Variants in NALF1 observed in about 807,000 individuals in gnomAD.
The protein encoded by NALF1 is NALCN channel auxiliary factor 1.
A neutral mutation model predicts 48.4 loss-of-function variants in NALF1; 3 were observed. The observed-to-expected ratio is 0.06, with a 90% CI of 0.03 to 0.16. The LOEUF (loss-of-function observed/expected upper bound fraction) is 0.16. NALF1 is among the 10% of genes least tolerant of loss of function. The probability of loss-of-function intolerance (pLI) is 1.00; values close to 1 mark genes in which losing one functional copy is unlikely to be tolerated. For missense variants in NALF1, 526 were observed against 571.5 expected, an observed-to-expected ratio of 0.92 and a Z score of 0.81; for synonymous variants, 262 against 245.7, an observed-to-expected ratio of 1.07 and a Z score of -0.62.
intron 1 of NALF1, among the ~76,000 whole-genome samples, chr13:107,255,225 A>G (rs1460301111): frequency 2.0e-5 from 3 of 151,664 alleles, no homozygotes; most frequent in East Asian, 3.9e-4. Flanking sequence ...AGAAAACACA[A>G]TCGACTGCTT....
At chr13:107,572,636 T>C (rs67153654) in intron 1 of NALF1, among the ~76,000 whole-genome samples, 5 of 152,048 alleles carry the variant, frequency 3.3e-5, no homozygotes, top group African/African-American at 7.2e-5. Context: ...AGGCCTTTCA[T>C]TGTTTTTTAC....
At chr13:107,828,989 C>A (rs192244447) in intron 1 of NALF1, among the ~76,000 whole-genome samples, 2 of 152,170 alleles carry the variant, frequency 1.3e-5, no homozygotes, top group East Asian at 1.9e-4. Context: ...ACCCAAAGTT[C>A]AATAAAACCT....
At chr13:107,654,497 G>A (rs922950722) in intron 1 of NALF1, among the ~76,000 whole-genome samples, 2 of 151,922 alleles carry the variant, frequency 1.3e-5, no homozygotes. Context: ...AATCGAAATG[G>A]TAATAAAAAA....
intron 1 of NALF1, among the ~76,000 whole-genome samples, chr13:107,793,687 A>G (rs975519534): frequency 1.3e-5 from 2 of 152,202 alleles, no homozygotes; most frequent in Non-Finnish European, 2.9e-5. Context: ...AGTTTGAGTC[A>G]GAACTAGTTA....
chr13:107,367,692 C>A (rs1374884051), intron 1 of NALF1, among the ~76,000 whole-genome samples: 1 of 152,124 alleles, frequency 6.6e-6, no homozygotes, highest in Non-Finnish European at 1.5e-5. Flanking sequence ...ACTGATGCCC[C>A]TTGTGCAAAA....
At chr13:107,750,730 A>G (rs572763475) in intron 1 of NALF1, among the ~76,000 whole-genome samples, 1 of 152,218 alleles carries the variant, frequency 6.6e-6, no homozygotes, top group African/African-American at 2.4e-5. Flanking sequence ...TTACACTAAA[A>G]TCTCTAAAAT....
intron 1 of NALF1, among the ~76,000 whole-genome samples, chr13:107,535,225 G>C (rs1303067217): frequency 6.6e-6 from 1 of 152,114 alleles, no homozygotes; most frequent in Non-Finnish European, 1.5e-5. Flanking sequence ...ATGTTGAATA[G>C]GAGTGGTGAG....
intron 1 of NALF1, among the ~76,000 whole-genome samples, chr13:107,503,369 T>C (rs1004463524): frequency 6.6e-6 from 1 of 152,066 alleles, no homozygotes; most frequent in Non-Finnish European, 1.5e-5. Context: ...TCACTAATCA[T>C]CAGGGAAATG....
intron 1 of NALF1, among the ~76,000 whole-genome samples, chr13:107,451,646 T>C (rs1884742030): frequency 1.3e-5 from 2 of 152,232 alleles, no homozygotes; most frequent in East Asian, 1.9e-4. Context: ...TTGTGCTGTA[T>C]ACTCGAACAG....
At chr13:107,732,187 T>C (rs1382642609) in intron 1 of NALF1, among the ~76,000 whole-genome samples, 1 of 152,094 alleles carries the variant, frequency 6.6e-6, no homozygotes, top group East Asian at 1.9e-4. Flanking sequence ...ATACTTACTA[T>C]ATATACTATG....
intron 1 of NALF1, among the ~76,000 whole-genome samples, chr13:107,286,771 A>T (rs1881502956): frequency 6.6e-6 from 1 of 152,162 alleles, no homozygotes; most frequent in Admixed American, 6.5e-5. Context: ...CCTTGAAAAC[A>T]TTATTCTAAG....
intron 1 of NALF1, among the ~76,000 whole-genome samples, chr13:107,335,560 C>A (rs1882540395): frequency 6.6e-6 from 1 of 152,198 alleles, no homozygotes; most frequent in Non-Finnish European, 1.5e-5. Context: ...TTGAAAATCC[C>A]AATCATGAGA....
chr13:107,273,024 A>G (rs1881207514), intron 1 of NALF1, among the ~76,000 whole-genome samples: 1 of 152,246 alleles, frequency 6.6e-6, no homozygotes, highest in Non-Finnish European at 1.5e-5. Flanking sequence ...TTGAGAAAAC[A>G]GCAGAAGCCG....
At chr13:107,480,826 C>G (rs2476773) in intron 1 of NALF1, among the ~76,000 whole-genome samples, 1 of 151,988 alleles carries the variant, frequency 6.6e-6, no homozygotes, top group African/African-American at 2.4e-5. Context: ...AAAGCTCGAA[C>G]GAAGCAATAA....
intron 2 of NALF1, among the ~76,000 whole-genome samples, chr13:107,194,168 T>G (rs995386068): frequency 6.6e-6 from 1 of 152,156 alleles, no homozygotes; most frequent in African/African-American, 2.4e-5. Context: ...TTTTGTTTGA[T>G]TTTTGCCACT....
chr13:107,269,407 C>T (rs1001918262), intron 1 of NALF1, among the ~76,000 whole-genome samples: 2 of 151,696 alleles, frequency 1.3e-5, no homozygotes, highest in African/African-American at 4.8e-5. Context: ...TTACTATAAC[C>T]AGAAACACCT....
intron 1 of NALF1, among the ~76,000 whole-genome samples, chr13:107,721,739 C>T (rs772638391): frequency 2.6e-5 from 4 of 152,166 alleles, no homozygotes; most frequent in Non-Finnish European, 5.9e-5. Flanking sequence ...TTCTGCTTCT[C>T]ATTATAATGA....
intron 1 of NALF1, among the ~76,000 whole-genome samples, chr13:107,654,112 G>T (rs1336119630): frequency 6.6e-6 from 1 of 151,874 alleles, no homozygotes; most frequent in African/African-American, 2.4e-5. Flanking sequence ...TCTTTAGAAA[G>T]ATAAATAAAA....
chr13:107,620,034 G>C (rs954772341), intron 1 of NALF1, among the ~76,000 whole-genome samples: 5 of 152,106 alleles, frequency 3.3e-5, no homozygotes, highest in Non-Finnish European at 7.4e-5. Context: ...CATATTAATT[G>C]AACACTATTT....
Sources: gnomAD v4.1 joint callset for allele counts (sites outside exome capture counted in the v4.1 genomes callset) on GRCh38, gnomAD v4.1.1 for gene constraint, MANE v1.5 for transcripts, NCBI Gene and HGNC (gene_info 2026-07-23, HGNC 2026-07-21) for gene names.